THPO: variants seen among roughly 807,000 people sequenced by gnomAD.
The protein encoded by THPO is thrombopoietin.
Under a neutral mutation model 17.0 loss-of-function variants are expected in THPO, and 12 were observed. The ratio of observed to expected loss-of-function variants is 0.71; its 90% CI spans 0.45 to 1.14. The LOEUF is 1.14. THPO is among the 50% of genes most tolerant of loss of function. The probability of loss-of-function intolerance (pLI) is 0.00; values close to 1 mark genes in which losing one functional copy is unlikely to be tolerated. For missense variants in THPO, 365 were observed against 427.5 expected (o/e 0.85, Z 1.29); for synonymous variants, 188 against 183.0 (o/e 1.03, Z -0.22).
At position 184,371,988 on chromosome 3, in the gene THPO, T is replaced by C. The variant is rs957631459; in HGVS notation, c.*525A>G. 6.4e-6 allele frequency: 1 copy of C among 155,178 alleles called. No homozygotes were observed. The highest frequency in any genetic ancestry group is 2.4e-5 in the African/African-American group (1 of 41,424). The allele number at this position is 155,178 out of a possible 1,614,324, so 9.6% of individuals were successfully genotyped here. On this transcript the variant is annotated 3_prime_UTR_variant, in exon 6 of 6. Coordinates refer to ENST00000647395, the MANE Select transcript of THPO (RefSeq NM_000460.4). ...CCATTTATTCCTTATACAGGCTCAG[T>C]TTTGTCTAGTGTATAGGGACAGCAT...
chr3:184,376,094 C>T (rs1419622956), intron 2 of THPO, 79 bp from the exon 3 acceptor site: 6 of 1,612,966 alleles, frequency 3.7e-6, no homozygotes, highest in East Asian at 4.5e-5. Flanking sequence ...CCATTCAGGA[C>T]CCAGACCTGA....
At chr3:184,373,659 C>A in intron 4 of THPO, 77 bp from the exon 5 acceptor site, 1 of 1,508,374 alleles carries the variant, frequency 6.6e-7, no homozygotes, top group Admixed American at 1.8e-5. Flanking sequence ...TTAGGAGTAG[C>A]CAGCAGAGTG....
intron 1 of THPO, among the ~76,000 whole-genome samples, chr3:184,377,637 C>T (rs1006328092): frequency 2.0e-5 from 3 of 152,108 alleles, no homozygotes; most frequent in Non-Finnish European, 2.9e-5. Flanking sequence ...ATGAGTGGGC[C>T]CTCCTCCCAT....
At chr3:184,373,201 A>C (rs772215611) in intron 5 of THPO, 23 bp from the exon 6 acceptor site, 1 of 1,608,088 alleles carries the variant, frequency 6.2e-7, no homozygotes, top group Non-Finnish European at 8.5e-7. Flanking sequence ...GATGGTCCTG[A>C]GGCCAAACAC....
Position 184,372,251 on chromosome 3 carries a change from A to T in THPO, c.*262T>A. ...ACAGAAAAAGAGCATGTAGAGAATC[A>T]GTGAGTTGCAAATTTCTGCAGAAAA... is the stretch of plus-strand genomic sequence containing the variant. On this transcript the variant is annotated 3_prime_UTR_variant, in exon 6 of 6. Transcript: ENST00000647395. 1 of 484,388 alleles carries T rather than the reference A, an allele frequency of 2.1e-6. No homozygotes were observed. The allele number at this position is 484,388 out of a possible 1,614,324, so 30.0% of individuals were successfully genotyped here.
chr3:184,372,700 T>C lies in THPO; in HGVS notation c.875A>G (p.Tyr292Cys). Residue 292 changes from tyrosine to cysteine, a missense_variant, in exon 6 of 6, where the codon TAT (tyrosine) becomes TGT (cysteine). By Grantham distance (194) the Tyr-to-Cys change is radical. Transcript: ENST00000647395. Reference sequence around the variant, plus strand: ...AGGAGGATGGGTTGGGGAAGGAGAATATCCAGGCTGGAGGTTGGGTGGCAG... The same window carrying C: ...AGGAGGATGGGTTGGGGAAGGAGAACATCCAGGCTGGAGGTTGGGTGGCAG... ...GSLPPNLQPGYSPSPTHPPTG... is the reference protein window; with the variant it reads ...GSLPPNLQPGCSPSPTHPPTG... The C allele has an allele frequency of 6.2e-7, 1 of 1,613,214 alleles. No homozygotes were observed. Among genetic ancestry groups the C allele is most frequent in the Non-Finnish European group, 8.5e-7 (1 of 1,179,454 alleles).
rs530014873 is a variant in THPO, at chr3:184,375,542, A to T, written c.201T>A (p.Phe67Leu). Residue 67 changes from phenylalanine to leucine, a missense_variant, in exon 4 of 6, where the codon TTT becomes TTA. Physicochemically the swap from Phe to Leu is conservative, Grantham distance 22 (BLOSUM62 0). Coordinates refer to ENST00000647395, the MANE Select transcript of THPO (RefSeq NM_000460.4). ...PTPVLLPAVD[F>L]SLGEWKTQME... ...TCTGGGTTTTCCATTCTCCCAAGCTAAAGTCCACAGCAGGCAGCAGGACAG... is the reference window on the plus strand; with the variant it reads ...TCTGGGTTTTCCATTCTCCCAAGCTTAAGTCCACAGCAGGCAGCAGGACAG... 4.3e-6 allele frequency: 7 copies of T among 1,614,082 alleles called. No homozygotes were observed. In the African/African-American group the frequency reaches 9.3e-5, roughly 22 times the overall value.
rs543000336 is a variant in THPO, at chr3:184,376,351, A to C, written c.-92T>G. 9 of 1,613,594 alleles carry C rather than the reference A, an allele frequency of 5.6e-6. No homozygotes were observed. The Admixed American group carries it at 1.2e-4, about 21-fold the overall frequency. Reference sequence around the variant, plus strand: ...CCATGGAGGCGGCTTAGGCTCTTGCACTTCTGGGCAGAGTAGGGTGGGGCA... The same window carrying C: ...CCATGGAGGCGGCTTAGGCTCTTGCCCTTCTGGGCAGAGTAGGGTGGGGCA... On this transcript the variant is annotated 5_prime_UTR_variant, in exon 2 of 6. Coordinates refer to ENST00000647395, the MANE Select transcript of THPO (RefSeq NM_000460.4).
chr3:184,373,610 C>T, intron 4 of THPO, 28 bp from the exon 5 acceptor site: 1 of 1,612,926 alleles, frequency 6.2e-7, no homozygotes, highest in African/African-American at 1.3e-5. Flanking sequence ...GAGAGAAGCG[C>T]ACTGCCTCAA....
chr3:184,376,166 T>G, intron 2 of THPO, 81 bp downstream of exon 2: 11 of 1,613,208 alleles, frequency 6.8e-6, no homozygotes, highest in Non-Finnish European at 9.3e-6. Flanking sequence ...CCCAGCTTCC[T>G]GCCCCCTGCA....
Position 184,373,596 on chromosome 3 carries a change from G to A in THPO, c.229-14C>T. On this transcript the variant is annotated splice_polypyrimidine_tract_variant and intron_variant, in intron 4 of 5. Coordinates refer to ENST00000647395, the MANE Select transcript of THPO (RefSeq NM_000460.4). ...CTTGGTCTCCTCCTGAGAAAGAGAT[G>A]GAAGAGAGAAGCGCACTGCCTCAAA... The A allele has an allele frequency of 5.6e-6, 9 of 1,603,312 alleles. No homozygotes were observed. The highest frequency in any genetic ancestry group is 6.8e-6 in the Non-Finnish European group (8 of 1,175,198).
chr3:184,375,454 G>A (rs1714306284), intron 4 of THPO, 61 bp downstream of exon 4: 9 of 1,518,220 alleles, frequency 5.9e-6, no homozygotes, highest in Non-Finnish European at 8.2e-6. Context: ...GAATCCATGG[G>A]AAGCAGTGGG....
chr3:184,376,515 C>A, intron 1 of THPO, 111 bp from the exon 2 acceptor site: 1 of 1,187,992 alleles, frequency 8.4e-7, no homozygotes, highest in Non-Finnish European at 1.1e-6. Flanking sequence ...CTGGAACTGC[C>A]AAAGCCCTGA....
intron 1 of THPO, among the ~76,000 whole-genome samples, chr3:184,376,827 A>G (rs1271988434): frequency 6.7e-6 from 1 of 149,114 alleles, no homozygotes; most frequent in Non-Finnish European, 1.5e-5. Flanking sequence ...CCTGGGCAAT[A>G]AGAGTGAAAC....
At chr3:184,378,996 C>T, upstream of THPO, 1 of 351,744 alleles carries the variant, frequency 2.8e-6, no homozygotes, top group Non-Finnish European at 4.0e-6. Flanking sequence ...AGCTCCTTTG[C>T]TTTCTTCCCA....
At chr3:184,377,911 C>T in intron 1 of THPO, among the ~76,000 whole-genome samples, 164 bp downstream of exon 1, 1 of 152,356 alleles carries the variant, frequency 6.6e-6, no homozygotes, top group Non-Finnish European at 1.5e-5. Flanking sequence ...CACCCCCTAC[C>T]CCTGCTCTGC....
intron 1 of THPO, among the ~76,000 whole-genome samples, chr3:184,376,675 G>A (rs1232882510): frequency 1.3e-5 from 2 of 151,940 alleles, no homozygotes; most frequent in Admixed American, 6.6e-5. Flanking sequence ...TGAAACCCCG[G>A]CTCTACGAAA....
rs1048410420 is a variant in THPO, at chr3:184,372,444, C to T, written c.*69G>A. The T allele has an allele frequency of 6.0e-5, 95 of 1,594,486 alleles. No individual in the cohort carries two copies. The highest frequency in any genetic ancestry group is 7.7e-5 in the Non-Finnish European group (89 of 1,163,224). ...AGTAGGAAATCTTGTCCAGTTGTCT[C>T]CCAGGGGCGCCCTGCAGGGAAGGGA... On this transcript the variant is annotated 3_prime_UTR_variant, in exon 6 of 6. Coordinates refer to ENST00000647395, the MANE Select transcript of THPO (RefSeq NM_000460.4).
At chr3:184,373,776 T>C (rs1714164829) in intron 4 of THPO, among the ~76,000 whole-genome samples, 194 bp from the exon 5 acceptor site, 1 of 152,212 alleles carries the variant, frequency 6.6e-6, no homozygotes, top group Non-Finnish European at 1.5e-5. Context: ...AAAACTCCCG[T>C]GTCCTCTAGT....
Sources: gnomAD v4.1 joint callset for allele counts (sites outside exome capture counted in the v4.1 genomes callset) on GRCh38, gnomAD v4.1.1 for gene constraint, MANE v1.5 for transcripts, NCBI Gene and HGNC (gene_info 2026-07-23, HGNC 2026-07-21) for gene names.